The following MSRA variants were observed in gnomAD, a reference collection of about 807,000 sequenced individuals.
MSRA encodes methionine sulfoxide reductase A.
MSRA carries 54 observed loss-of-function variants against 31.3 expected under a neutral mutation model. That is an observed-to-expected ratio of 1.73 (90% CI 1.39 to 2.17). The LOEUF is 2.17. MSRA is among the 30% of genes most tolerant of loss of function. The pLI is 0.00. For synonymous variants in MSRA, 169 were observed against 116.5 expected (o/e 1.45, Z -2.90); for missense variants, 507 against 300.9 (o/e 1.69, Z -5.07).
intron 5 of MSRA, among the ~76,000 whole-genome samples, chr8:10,399,777 G>C (rs1457771788): frequency 1.3e-5 from 2 of 152,206 alleles, no homozygotes; most frequent in Admixed American, 6.5e-5. Context: ...CGGCAGTGGA[G>C]GTGGTTATGG....
chr8:10,146,403 G>T (rs1803150207), intron 1 of MSRA, among the ~76,000 whole-genome samples: 2 of 152,184 alleles, frequency 1.3e-5, no homozygotes, highest in African/African-American at 2.4e-5. Context: ...GGTCTCGTCT[G>T]GCCAGAGGTT....
intron 3 of MSRA, among the ~76,000 whole-genome samples, chr8:10,273,572 T>C (rs1409024765): frequency 6.6e-6 from 1 of 152,188 alleles, no homozygotes; most frequent in African/African-American, 2.4e-5. Context: ...ACAGTGATAA[T>C]TATTAATATC....
intron 3 of MSRA, among the ~76,000 whole-genome samples, chr8:10,269,277 T>A (rs778800670): frequency 6.6e-6 from 1 of 152,246 alleles, no homozygotes; most frequent in East Asian, 1.9e-4. Flanking sequence ...AGTGGTTTCA[T>A]TGTAACTCAT....
chr8:10,084,409 A>C (rs1162910570), intron 1 of MSRA, among the ~76,000 whole-genome samples: 4 of 152,216 alleles, frequency 2.6e-5, no homozygotes, highest in Non-Finnish European at 5.9e-5. Context: ...TCGTTGTAAT[A>C]GTCTTCTGGT....
intron 1 of MSRA, among the ~76,000 whole-genome samples, chr8:10,123,984 G>A (rs941806348): frequency 6.6e-6 from 1 of 151,868 alleles, no homozygotes; most frequent in Non-Finnish European, 1.5e-5. Flanking sequence ...GGAGGAGTAG[G>A]TGTGAAGACA....
At chr8:10,400,950 A>C (rs1028072581) in intron 5 of MSRA, among the ~76,000 whole-genome samples, 2 of 152,260 alleles carry the variant, frequency 1.3e-5, no homozygotes, top group African/African-American at 4.8e-5. Context: ...GAAAGTCTTC[A>C]CTGGATTTGC....
chr8:10,194,419 A>T (rs1807796767), intron 1 of MSRA, among the ~76,000 whole-genome samples: 1 of 152,178 alleles, frequency 6.6e-6, no homozygotes, highest in Admixed American at 6.5e-5. Flanking sequence ...TACAAAAACT[A>T]GCCAGGTGTG....
At chr8:10,129,486 G>A (rs1218708038) in intron 1 of MSRA, among the ~76,000 whole-genome samples, 1 of 152,116 alleles carries the variant, frequency 6.6e-6, no homozygotes, top group Non-Finnish European at 1.5e-5. Flanking sequence ...CCCTTGAGCA[G>A]ACACCTGTTC....
At chr8:10,365,079 C>A (rs1312735926) in intron 5 of MSRA, among the ~76,000 whole-genome samples, 1 of 130,874 alleles carries the variant, frequency 7.6e-6, no homozygotes, top group Non-Finnish European at 1.6e-5. Flanking sequence ...AGATAGGAAG[C>A]AAAATTAGAA....
chr8:10,204,315 G>A lies in MSRA; in HGVS notation c.143-3518G>A, dbSNP rs189422127. On this transcript the variant is annotated intron_variant, in intron 1 of 5. Transcript: ENST00000317173. The stretch of plus-strand genomic sequence containing the variant: ...TTTATAAAGTCCGTGGTAGTGTTCA[G>A]TAATGGCCTAGGCCTTCACACCCAC... 1.0e-3 allele frequency among the ~76,000 whole-genome samples: 153 copies of A among 152,350 alleles called. 1 individual carries two copies. Among genetic ancestry groups the A allele is most frequent in the Middle Eastern group, 3.4e-3 (1 of 294 alleles).
chr8:10,054,410 TGCCGCCCCCCGGTTCCG>T lies in MSRA; in HGVS notation c.-101_-85del. The stretch of plus-strand genomic sequence containing the variant: ...CCCCGCGCCCGCCCGCCCGCGCCCC[TGCCGCCCCCCGGTTCCG>T]GCCGCGGACCCCACTCTCTGCCGTT... On this transcript the variant is annotated 5_prime_UTR_variant, in exon 1 of 6. Transcript: ENST00000317173. 7.5e-6 allele frequency: 1 copy of T among 133,680 alleles called. No individual in the cohort carries two copies. The highest frequency in any genetic ancestry group is 1.9e-4 in the East Asian group (1 of 5,274). The allele number at this position is 133,680 out of a possible 1,614,324, so 8.3% of individuals were successfully genotyped here.
chr8:10,300,077 A>T (rs1402241618), intron 3 of MSRA, among the ~76,000 whole-genome samples: 1 of 151,986 alleles, frequency 6.6e-6, no homozygotes, highest in African/African-American at 2.4e-5. Flanking sequence ...TTCCCAATAT[A>T]GTGGTAAGAG....
chr8:10,272,888 A>G (rs1799122579), intron 3 of MSRA, among the ~76,000 whole-genome samples: 1 of 152,146 alleles, frequency 6.6e-6, no homozygotes, highest in Non-Finnish European at 1.5e-5. Flanking sequence ...GAATGGATGA[A>G]TAACAGCATC....
At chr8:10,293,113 G>T (rs1221715272) in intron 3 of MSRA, among the ~76,000 whole-genome samples, 1 of 152,150 alleles carries the variant, frequency 6.6e-6, no homozygotes, top group African/African-American at 2.4e-5. Context: ...TACCCCAATG[G>T]CCAAGGGTGG....
At chr8:10,315,059 G>C (rs1183672378) in intron 4 of MSRA, among the ~76,000 whole-genome samples, 1 of 152,160 alleles carries the variant, frequency 6.6e-6, no homozygotes, top group Non-Finnish European at 1.5e-5. Context: ...CATGGCAGCA[G>C]GCAAGAGAGT....
chr8:10,300,189 A>G (rs1315930234), intron 3 of MSRA, among the ~76,000 whole-genome samples: 2 of 151,948 alleles, frequency 1.3e-5, no homozygotes, highest in African/African-American at 4.8e-5. Context: ...ACCCAGGAAG[A>G]GATTGATAAA....
intron 1 of MSRA, among the ~76,000 whole-genome samples, chr8:10,076,788 C>T (rs936712364): frequency 7.9e-5 from 12 of 151,836 alleles, no homozygotes; most frequent in South Asian, 4.2e-4. Context: ...CACCCAGCTC[C>T]GATAGAGTGG....
intron 5 of MSRA, among the ~76,000 whole-genome samples, chr8:10,346,563 G>A (rs1025890537): frequency 4.6e-5 from 7 of 152,198 alleles, no homozygotes; most frequent in East Asian, 1.9e-4. Flanking sequence ...TAGCCCTTGC[G>A]TTCGGCAGAG....
intron 1 of MSRA, among the ~76,000 whole-genome samples, chr8:10,096,566 T>C (rs992695447): frequency 1.4e-4 from 22 of 152,354 alleles, no homozygotes; most frequent in African/African-American, 5.1e-4. Context: ...TTCTTATTTT[T>C]GGTTGATTAG....
Sources: gnomAD v4.1 joint callset for allele counts (sites outside exome capture counted in the v4.1 genomes callset) on GRCh38, gnomAD v4.1.1 for gene constraint, MANE v1.5 for transcripts, NCBI Gene and HGNC (gene_info 2026-07-23, HGNC 2026-07-21) for gene names.